The following L3MBTL3 variants were observed in gnomAD, a reference collection of about 807,000 sequenced individuals.
The protein encoded by L3MBTL3 is lethal(3)malignant brain tumor-like protein 3.
L3MBTL3 carries 27 observed loss-of-function variants against 102.3 expected under a neutral mutation model. That is an observed-to-expected ratio of 0.26 (90% CI 0.19 to 0.36). The LOEUF (loss-of-function observed/expected upper bound fraction) is 0.36. Ranked by LOEUF, L3MBTL3 falls within the 10% of genes least tolerant of loss-of-function variation. L3MBTL3 has a pLI of 1.00. For missense variants in L3MBTL3, 798 were observed against 955.3 expected, an observed-to-expected ratio of 0.84 and a Z score of 2.17; for synonymous variants, 340 against 320.9, an observed-to-expected ratio of 1.06 and a Z score of -0.64.
rs777292044 is a variant in L3MBTL3 at position 130,139,757 on chromosome 6, T to C, written c.*4T>C. The C allele has an allele frequency of 1.3e-5, 21 of 1,612,072 alleles. No homozygotes were observed. The highest frequency in any genetic ancestry group is 1.8e-5 in the Non-Finnish European group (21 of 1,179,228). Reference sequence around the variant, plus strand: ...GAATTCTCACAATGAACTTTGAAGATGGTGAATTCTGAATACCATCAGCAT... The same window carrying C: ...GAATTCTCACAATGAACTTTGAAGACGGTGAATTCTGAATACCATCAGCAT... On this transcript the variant is annotated 3_prime_UTR_variant, in exon 23 of 23. Coordinates refer to ENST00000361794, the MANE Select transcript of L3MBTL3 (RefSeq NM_032438.4).
chr6:130,108,011 G>A (rs1310081752), intron 19 of L3MBTL3, among the ~76,000 whole-genome samples: 4 of 152,152 alleles, frequency 2.6e-5, no homozygotes, highest in African/African-American at 9.7e-5. Flanking sequence ...GAAAAGAGCA[G>A]CAGAATGTGG....
At chr6:130,027,240 C>T (rs1310289881) in intron 2 of L3MBTL3, among the ~76,000 whole-genome samples, 1 of 152,136 alleles carries the variant, frequency 6.6e-6, no homozygotes, top group Non-Finnish European at 1.5e-5. Flanking sequence ...TGGGCTGTTT[C>T]TCCTTTGTTG....
chr6:130,086,892 G>A (rs1268712880), intron 16 of L3MBTL3, among the ~76,000 whole-genome samples: 1 of 152,044 alleles, frequency 6.6e-6, no homozygotes, highest in African/African-American at 2.4e-5. Flanking sequence ...AAAATTGTTT[G>A]GAATTTCTAT....
intron 14 of L3MBTL3, among the ~76,000 whole-genome samples, chr6:130,079,606 A>G (rs900734042): frequency 9.8e-5 from 15 of 152,312 alleles, no homozygotes; most frequent in African/African-American, 3.6e-4. Flanking sequence ...GGACCCTTAC[A>G]GGAGTAATGA....
chr6:130,089,454 TCCA>T (rs564682704), intron 16 of L3MBTL3, among the ~76,000 whole-genome samples: 6,141 of 152,218 alleles, frequency 0.04, 411 homozygotes, highest in African/African-American at 0.14. Flanking sequence ...ATTTTCTTAA[TCCA>T]GTCTATCATT....
intron 7 of L3MBTL3, among the ~76,000 whole-genome samples, chr6:130,053,676 T>C (rs1199260986): frequency 6.7e-6 from 1 of 148,350 alleles, no homozygotes; most frequent in Non-Finnish European, 1.5e-5. Context: ...GGTTAAAAAA[T>C]GGCACACAAA....
At chr6:130,028,169 C>T (rs532741746) in intron 2 of L3MBTL3, among the ~76,000 whole-genome samples, 10 of 151,578 alleles carry the variant, frequency 6.6e-5, no homozygotes, top group Admixed American at 6.6e-4. Context: ...ATAATTCATC[C>T]TTCTTACAGT....
chr6:130,128,913 T>C (rs1429482636), intron 20 of L3MBTL3, among the ~76,000 whole-genome samples: 7 of 152,206 alleles, frequency 4.6e-5, no homozygotes, highest in Non-Finnish European at 8.8e-5. Flanking sequence ...CCAGAGAGCA[T>C]CTGCTGACCC....
chr6:130,083,584 G>T (rs369810810), intron 14 of L3MBTL3, 36 bp from the exon 15 acceptor site: 236 of 977,272 alleles, frequency 2.4e-4, no homozygotes, highest in Non-Finnish European at 3.4e-4. Context: ...TATCATTTTG[G>T]TTAAACCTCA....
At chr6:130,030,024 A>G (rs552854723) in intron 2 of L3MBTL3, among the ~76,000 whole-genome samples, 25 of 152,120 alleles carry the variant, frequency 1.6e-4, no homozygotes, top group African/African-American at 5.8e-4. Flanking sequence ...ACACCCAGCT[A>G]ATTTTTGTAT....
At chr6:130,041,776 A>G (rs541305799) in intron 2 of L3MBTL3, among the ~76,000 whole-genome samples, 83 of 152,252 alleles carry the variant, frequency 5.5e-4, no homozygotes, top group Non-Finnish European at 7.9e-4. Flanking sequence ...TTCTTGTTTG[A>G]CAAGATGTTT....
intron 9 of L3MBTL3, among the ~76,000 whole-genome samples, chr6:130,058,522 G>T (rs1472698559): frequency 1.3e-5 from 2 of 151,832 alleles, no homozygotes; most frequent in Non-Finnish European, 2.9e-5. Context: ...GTTCAAAGTT[G>T]CAGTGAGCTG....
intron 11 of L3MBTL3, among the ~76,000 whole-genome samples, chr6:130,067,301 A>T (rs1162092690): frequency 1.3e-5 from 2 of 152,020 alleles, no homozygotes; most frequent in South Asian, 4.1e-4. Flanking sequence ...TTTATTAGAG[A>T]CAGAGCTTCA....
intron 20 of L3MBTL3, among the ~76,000 whole-genome samples, chr6:130,128,760 C>G (rs1367420493): frequency 6.6e-6 from 1 of 152,198 alleles, no homozygotes; most frequent in Non-Finnish European, 1.5e-5. Context: ...CAGAAGGAAT[C>G]TTTTCCAGGT....
intron 13 of L3MBTL3, among the ~76,000 whole-genome samples, chr6:130,073,946 G>T (rs1432190887): frequency 6.6e-6 from 1 of 152,134 alleles, no homozygotes; most frequent in African/African-American, 2.4e-5. Context: ...CGAAAACAGT[G>T]TGTTTTCTTC....
chr6:130,083,426 A>T (rs191288805), intron 14 of L3MBTL3, among the ~76,000 whole-genome samples, 194 bp from the exon 15 acceptor site: 44 of 151,950 alleles, frequency 2.9e-4, no homozygotes, highest in Non-Finnish European at 5.4e-4. Flanking sequence ...TCATTTTAAA[A>T]GTAATAGAAA....
Position 130,106,044 on chromosome 6 carries a change from C to T in L3MBTL3, c.1886+1469C>T, listed in dbSNP as rs540755274. On this transcript the variant is annotated intron_variant, in intron 19 of 22. Coordinates refer to ENST00000361794, the MANE Select transcript of L3MBTL3 (RefSeq NM_032438.4). ...CTTCCTCATGGTCAGCATTTGTGAT[C>T]AAGGAAACAATCTCAGACATTTTAA... Among the ~76,000 whole-genome samples, 19 of 152,264 alleles carry T rather than the reference C, an allele frequency of 1.2e-4. 1 individual carries two copies. The highest frequency in any genetic ancestry group is 1.2e-3 in the South Asian group (6 of 4,822).
At position 130,120,915 on chromosome 6, in the gene L3MBTL3, A is replaced by G; in HGVS notation, c.1923A>G (p.Glu641=). 1.9e-6 allele frequency: 3 copies of G among 1,612,840 alleles called. No homozygotes were observed. Among genetic ancestry groups the G allele is most frequent in the Non-Finnish European group, 2.5e-6 (3 of 1,179,256 alleles). The part of the protein sequence containing the change: ...QHADDVKEDF[E]ERTESEMRTS... ...CTGATGATGTCAAAGAAGACTTTGAAGAGAGAACAGAAAGTGAAATGAGAA... is the reference window on the plus strand; with the variant it reads ...CTGATGATGTCAAAGAAGACTTTGAGGAGAGAACAGAAAGTGAAATGAGAA... Residue 641 remains glutamate, a synonymous_variant, in exon 20 of 23, where the codon GAA becomes GAG. Transcript: ENST00000361794.
At chr6:130,020,031 G>A (rs1350179854) in intron 1 of L3MBTL3, among the ~76,000 whole-genome samples, 2 of 141,522 alleles carry the variant, frequency 1.4e-5, no homozygotes, top group African/African-American at 5.1e-5. Context: ...GGGCTTGTGG[G>A]GGGAGGGTGG....
Sources: gnomAD v4.1 joint callset for allele counts (sites outside exome capture counted in the v4.1 genomes callset) on GRCh38, gnomAD v4.1.1 for gene constraint, MANE v1.5 for transcripts, NCBI Gene and HGNC (gene_info 2026-07-23, HGNC 2026-07-21) for gene names.